Variants in PARD3B observed in about 807,000 individuals in gnomAD.
The protein encoded by PARD3B is par-3 family cell polarity regulator beta, also known as partitioning defective 3 homolog B.
PARD3B carries 103 observed loss-of-function variants against 130.2 expected under a neutral mutation model. That is an observed-to-expected ratio of 0.79 (90% CI 0.67 to 0.93). The LOEUF (loss-of-function observed/expected upper bound fraction) is 0.93, where lower values mean the gene tolerates loss of function less well. PARD3B is among the 40% of genes least tolerant of loss of function. PARD3B has a pLI of 0.00. For missense variants in PARD3B, 1,609 were observed against 1,499.2 expected (o/e 1.07, Z -1.21); for synonymous variants, 583 against 553.2 (o/e 1.05, Z -0.76).
At position 205,399,026 on chromosome 2, in the gene PARD3B, T is replaced by G. The variant is rs180749475; in HGVS notation, c.2631-1987T>G. Among the ~76,000 whole-genome samples the G allele has an allele frequency of 3.3e-4, 50 of 152,208 alleles. No individual in the cohort carries two copies. The East Asian group carries it at 7.2e-3, about 22-fold the overall frequency. On this transcript the variant is annotated intron_variant, in intron 18 of 22. Transcript: ENST00000406610. ...GCTCACGCCTGTAATCCCAGCACTTTGGGAGGCTAAGGAGGGCAGATCAGC... is the reference window on the plus strand; with the variant it reads ...GCTCACGCCTGTAATCCCAGCACTTGGGGAGGCTAAGGAGGGCAGATCAGC...
intron 13 of PARD3B, among the ~76,000 whole-genome samples, chr2:205,184,689 C>T (rs1395438214): frequency 6.6e-6 from 1 of 151,908 alleles, no homozygotes; most frequent in African/African-American, 2.4e-5. Flanking sequence ...TTGCAGTGAG[C>T]CAAGATCGTG....
At chr2:204,674,031 C>T (rs569000170) in intron 1 of PARD3B, among the ~76,000 whole-genome samples, 1 of 152,208 alleles carries the variant, frequency 6.6e-6, no homozygotes, top group South Asian at 2.1e-4. Flanking sequence ...TGAGCCCGTC[C>T]CCCTACTTTC....
intron 2 of PARD3B, among the ~76,000 whole-genome samples, chr2:204,848,429 A>G (rs1439602177): frequency 6.6e-6 from 1 of 152,158 alleles, no homozygotes; most frequent in African/African-American, 2.4e-5. Context: ...CTGTCAGAAT[A>G]TCAGCTGTCA....
chr2:205,237,953 G>C (rs564701562), intron 15 of PARD3B, among the ~76,000 whole-genome samples: 1 of 152,212 alleles, frequency 6.6e-6, no homozygotes, highest in Admixed American at 6.5e-5. Context: ...TCTGCCACAA[G>C]AATTTTACAG....
chr2:204,764,089 A>C (rs1428252043), intron 2 of PARD3B, among the ~76,000 whole-genome samples: 1 of 152,216 alleles, frequency 6.6e-6, no homozygotes, highest in Non-Finnish European at 1.5e-5. Context: ...CTGTAGCAAG[A>C]GTTTAATGAG....
chr2:204,724,479 C>T (rs1275811550), intron 2 of PARD3B, among the ~76,000 whole-genome samples: 1 of 152,132 alleles, frequency 6.6e-6, no homozygotes, highest in Non-Finnish European at 1.5e-5. Context: ...GGTATTCCCT[C>T]ACTAATAAAT....
intron 20 of PARD3B, among the ~76,000 whole-genome samples, chr2:205,447,165 A>G (rs2047934428): frequency 6.6e-6 from 1 of 152,150 alleles, no homozygotes; most frequent in Non-Finnish European, 1.5e-5. Context: ...TTAAAATGAG[A>G]CTTTAACAAA....
Position 204,799,424 on chromosome 2 carries a change from G to A in PARD3B, c.222+113142G>A, listed in dbSNP as rs553923200. On this transcript the variant is annotated intron_variant, in intron 2 of 22. Transcript: ENST00000406610. The surrounding 1 kb of genome is among the most constrained non-coding windows in gnomAD (Gnocchi z 4.1). ...TGGCTTCTGGACAGCATTCCTGGAG[G>A]TACCCTGGATCAAGGAAGACCTCAT... Among the ~76,000 whole-genome samples the A allele has an allele frequency of 1.2e-3, 187 of 152,234 alleles. 1 individual carries two copies. The highest frequency in any genetic ancestry group is 2.2e-3 in the Non-Finnish European group (150 of 68,000).
chr2:205,136,044 C>T (rs116074493), intron 10 of PARD3B, among the ~76,000 whole-genome samples: 265 of 152,216 alleles, frequency 1.7e-3, no homozygotes, highest in Non-Finnish European at 2.9e-3. Context: ...CAATTATAAA[C>T]GAGTTCAATG....
chr2:204,757,679 A>G (rs1339210936), intron 2 of PARD3B, among the ~76,000 whole-genome samples: 1 of 152,164 alleles, frequency 6.6e-6, no homozygotes, highest in Non-Finnish European at 1.5e-5. Flanking sequence ...TCTTGCTGAT[A>G]TGAAACTAGC....
chr2:204,596,211 G>A (rs980998171), intron 1 of PARD3B, among the ~76,000 whole-genome samples: 1 of 152,160 alleles, frequency 6.6e-6, no homozygotes, highest in East Asian at 1.9e-4. Flanking sequence ...CAAACTTTTT[G>A]TGAAAAATTT....
At chr2:204,962,179 A>G (rs964648900) in intron 2 of PARD3B, among the ~76,000 whole-genome samples, 2 of 152,072 alleles carry the variant, frequency 1.3e-5, no homozygotes, top group African/African-American at 2.4e-5. Flanking sequence ...ATCATTTTGG[A>G]TTATGGGGTC....
rs1486936797 is a variant in PARD3B at position 204,799,766 on chromosome 2, A to C, written c.222+113484A>C. ...CTCCCAGATCTTATCCAAGACCACC[A>C]AGATGGTACCTGTACAAGTCTGCAA... On this transcript the variant is annotated intron_variant, in intron 2 of 22. Coordinates refer to ENST00000406610, the MANE Select transcript of PARD3B (RefSeq NM_001302769.2). The surrounding 1 kb of genome is among the most constrained non-coding windows in gnomAD (Gnocchi z 4.1). 1.3e-5 allele frequency among the ~76,000 whole-genome samples: 2 copies of C among 152,240 alleles called. No individual in the cohort carries two copies. The highest frequency in any genetic ancestry group is 4.2e-4 in the South Asian group (2 of 4,814).
chr2:204,981,769 C>T (rs1181009133), intron 3 of PARD3B, among the ~76,000 whole-genome samples: 1 of 151,982 alleles, frequency 6.6e-6, no homozygotes, highest in Non-Finnish European at 1.5e-5. Context: ...AAAACATGGT[C>T]AGGAGAGTAG....
intron 4 of PARD3B, among the ~76,000 whole-genome samples, chr2:205,083,136 G>C (rs1217441156): frequency 6.6e-6 from 1 of 151,866 alleles, no homozygotes; most frequent in African/African-American, 2.4e-5. Flanking sequence ...GACCAGGTTG[G>C]TCTCGAACTC....
At chr2:204,924,602 T>C (rs1177057288) in intron 2 of PARD3B, among the ~76,000 whole-genome samples, 1 of 152,078 alleles carries the variant, frequency 6.6e-6, no homozygotes, top group Non-Finnish European at 1.5e-5. Context: ...AAAATCTTTG[T>C]GAAAAATTAT....
At chr2:204,693,483 A>T (rs2037448946) in intron 2 of PARD3B, among the ~76,000 whole-genome samples, 1 of 152,078 alleles carries the variant, frequency 6.6e-6, no homozygotes, top group South Asian at 2.1e-4. Context: ...GGATAAGTGG[A>T]ACTAAAAATA....
At chr2:205,107,040 T>C (rs891399347) in intron 5 of PARD3B, among the ~76,000 whole-genome samples, 2 of 152,230 alleles carry the variant, frequency 1.3e-5, no homozygotes, top group Non-Finnish European at 2.9e-5. Context: ...GCTTGGCCCA[T>C]GCATAGGACT....
intron 15 of PARD3B, among the ~76,000 whole-genome samples, chr2:205,232,459 T>C (rs1010919722): frequency 6.6e-6 from 1 of 152,042 alleles, no homozygotes; most frequent in Non-Finnish European, 1.5e-5. Flanking sequence ...ATACAAAAAG[T>C]GTATTTAAAA....
Sources: gnomAD v4.1 joint callset for allele counts (sites outside exome capture counted in the v4.1 genomes callset) on GRCh38, gnomAD v4.1.1 for gene constraint, Gnocchi (gnomAD v3.1) non-coding constraint, MANE v1.5 for transcripts, NCBI Gene and HGNC (gene_info 2026-07-23, HGNC 2026-07-21) for gene names.